Variants in WIPI1 observed in about 807,000 individuals in gnomAD.
WIPI1 encodes the protein WD repeat domain phosphoinositide-interacting protein 1.
In WIPI1, 45 loss-of-function variants were observed where a neutral mutation model predicts 55.3. The ratio of observed to expected loss-of-function variants is 0.81; its 90% CI spans 0.64 to 1.04. WIPI1 has a LOEUF of 1.04. WIPI1 is among the 50% of genes least tolerant of loss of function. The probability of loss-of-function intolerance (pLI) is 0.00; values close to 1 mark genes in which losing one functional copy is unlikely to be tolerated. For synonymous variants in WIPI1, 195 were observed against 217.6 expected (o/e 0.90, Z 0.92); for missense variants, 445 against 559.0 (o/e 0.80, Z 2.06).
chr17:68,444,642 G>C (rs1182643976), intron 3 of WIPI1, 53 bp from the exon 4 acceptor site: 1 of 1,455,164 alleles, frequency 6.9e-7, no homozygotes, highest in Admixed American at 2.0e-5. Flanking sequence ...CAAAGACCCT[G>C]ACCAAATCCA....
At chr17:68,428,550 A>G (rs530164609) in intron 10 of WIPI1, 29 of 281,264 alleles carry the variant, frequency 1.0e-4, no homozygotes, top group Non-Finnish European at 1.4e-4. Flanking sequence ...ATATTTTTGA[A>G]CACCCACTGT....
At chr17:68,442,617 C>T (rs558666419) in intron 4 of WIPI1, among the ~76,000 whole-genome samples, 65 of 152,284 alleles carry the variant, frequency 4.3e-4, no homozygotes, top group African/African-American at 1.4e-3. Context: ...AAACTGAGAG[C>T]CACAGGCAGC....
At position 68,434,613 on chromosome 17, in the gene WIPI1, C is replaced by T. The variant is rs1170151654; in HGVS notation, c.635G>A (p.Arg212Gln). ...ASASEKGTVI[R>Q]VFSVPDGQKL... ...TTGCCCATCAGGGACAGAGAACACC[C>T]GGATGACTGTGCCCTGGAAAAGAAA... The change falls in exon 7 of 13, where the codon CGG becomes CAG. Residue 212 changes from arginine (R) to glutamine (Q), a missense_variant. Coordinates refer to ENST00000262139, the MANE Select transcript of WIPI1 (RefSeq NM_017983.7). 3.7e-6 allele frequency: 6 copies of T among 1,613,956 alleles called. No homozygotes were observed. Among genetic ancestry groups the T allele is most frequent in the Non-Finnish European group, 5.1e-6 (6 of 1,179,882 alleles).
At position 68,430,180 on chromosome 17, in the gene WIPI1, C is replaced by T. The variant is rs200494731; in HGVS notation, c.801-20G>A. 299 of 1,602,758 alleles carry T rather than the reference C, an allele frequency of 1.9e-4. 1 individual carries two copies. The South Asian group carries it at 3.1e-3, about 17-fold the overall frequency. On this transcript the variant is annotated intron_variant, in intron 8 of 12. Coordinates refer to ENST00000262139, the MANE Select transcript of WIPI1 (RefSeq NM_017983.7). ...GGTCGACTAGGGAGTAATGCACAGG[C>T]AACGATGGGACTGGGCTGCAGGCCC...
In WIPI1 at chr17:68,426,251, G is replaced by GGGGGGGGGT; in HGVS notation, c.1193-77_1193-76insACCCCCCCC. ...GCCATGACCTGGCGGGTGGGGAGCGGGGGCTCAAATAAAGGGCAAAGGAAG... is the reference window on the plus strand; with the variant it reads ...GCCATGACCTGGCGGGTGGGGAGCGGGGGGGGGGTGGGCTCAAATAAAGGGCAAAGGAAG... On this transcript the variant is annotated intron_variant, in intron 11 of 12. Coordinates refer to ENST00000262139, the MANE Select transcript of WIPI1 (RefSeq NM_017983.7). The GGGGGGGGGT allele has an allele frequency of 1.7e-5, 14 of 825,460 alleles. 2 individuals carry two copies. Among genetic ancestry groups the GGGGGGGGGT allele is most frequent in the East Asian group, 3.4e-5 (1 of 29,032 alleles). 51.1% of individuals were successfully genotyped at this position (825,460 alleles called of 1,614,324 possible). A position where few individuals can be genotyped will look rare whatever the true frequency, so the allele number is the denominator to read the frequency against.
intron 4 of WIPI1, among the ~76,000 whole-genome samples, chr17:68,442,855 C>T (rs774884959): frequency 6.6e-6 from 1 of 152,198 alleles, no homozygotes; most frequent in African/African-American, 2.4e-5. Flanking sequence ...TTGAAGGGAA[C>T]TCGTGACAAC....
chr17:68,442,446 CAGAGTG>C (rs1326045217), intron 4 of WIPI1, among the ~76,000 whole-genome samples: 1 of 135,728 alleles, frequency 7.4e-6, no homozygotes, highest in Non-Finnish European at 1.5e-5. Context: ...GCCTGGGCAA[CAGAGTG>C]AGACTGTGTC....
At position 68,426,072 on chromosome 17, in the gene WIPI1, C is replaced by T. The variant is rs769826465; in HGVS notation, c.1293+3G>A. 2.5e-6 allele frequency: 4 copies of T among 1,612,686 alleles called. No individual in the cohort carries two copies. The highest frequency in any genetic ancestry group is 2.2e-5 in the South Asian group (2 of 91,024). On this transcript the variant is annotated splice_donor_region_variant and intron_variant, in intron 12 of 12. Coordinates refer to ENST00000262139, the MANE Select transcript of WIPI1 (RefSeq NM_017983.7). ...CGCCCAGTTACGGGTTCCTAATGCTCACAGGAGGAAACTCATTCTCATCAT... is the reference window on the plus strand; with the variant it reads ...CGCCCAGTTACGGGTTCCTAATGCTTACAGGAGGAAACTCATTCTCATCAT...
At chr17:68,427,313 C>T (rs568307307) in intron 10 of WIPI1, 60 bp from the exon 11 acceptor site, 8 of 1,286,896 alleles carry the variant, frequency 6.2e-6, no homozygotes, top group Non-Finnish European at 7.8e-6. Flanking sequence ...ATCTAGGACA[C>T]CTTCCAAAGG....
chr17:68,431,380 G>A (rs1354552919), intron 8 of WIPI1, among the ~76,000 whole-genome samples: 2 of 152,058 alleles, frequency 1.3e-5, no homozygotes, highest in African/African-American at 4.8e-5. Flanking sequence ...ATGGAGCCCG[G>A]CACGTGGCGC....
chr17:68,445,147 C>T (rs574055292), intron 3 of WIPI1, among the ~76,000 whole-genome samples: 55 of 152,120 alleles, frequency 3.6e-4, no homozygotes, highest in African/African-American at 1.1e-3. Context: ...CTCGAACTCC[C>T]GACCTCAGGT....
chr17:68,424,391 C>T, intron 12 of WIPI1: 1 of 529,450 alleles, frequency 1.9e-6, no homozygotes. Context: ...AATGTGCTCA[C>T]TAGAGGGTTC....
chr17:68,432,807 C>T (rs1211241278), intron 8 of WIPI1, among the ~76,000 whole-genome samples: 1 of 152,166 alleles, frequency 6.6e-6, no homozygotes, highest in African/African-American at 2.4e-5. Context: ...AATCCTTGCC[C>T]CCCACCGTGG....
At chr17:68,431,600 G>A (rs979798519) in intron 8 of WIPI1, among the ~76,000 whole-genome samples, 1 of 148,970 alleles carries the variant, frequency 6.7e-6, no homozygotes, top group African/African-American at 2.5e-5. Flanking sequence ...AGATGATATA[G>A]GATGGACTGG....
intron 7 of WIPI1, among the ~76,000 whole-genome samples, chr17:68,433,840 T>C (rs1842315807): frequency 7.8e-6 from 1 of 128,680 alleles, no homozygotes; most frequent in Non-Finnish European, 1.6e-5. Flanking sequence ...TGGAGTACGG[T>C]GGCTTGATCT....
intron 9 of WIPI1, among the ~76,000 whole-genome samples, chr17:68,429,736 G>A (rs3785609): frequency 0.6 from 91,286 of 151,806 alleles, 28,844 homozygotes; most frequent in Non-Finnish European, 0.69. Flanking sequence ...CTACAGGCAC[G>A]CACCACCATA....
chr17:68,424,923 A>G (rs1194249105), intron 12 of WIPI1, among the ~76,000 whole-genome samples: 1 of 152,232 alleles, frequency 6.6e-6, no homozygotes, highest in Non-Finnish European at 1.5e-5. Context: ...AAATGATTTC[A>G]GGTTGACTAT....
chr17:68,442,531 CT>C (rs2084125034), intron 4 of WIPI1, among the ~76,000 whole-genome samples: 1 of 151,960 alleles, frequency 6.6e-6, no homozygotes, highest in Non-Finnish European at 1.5e-5. Context: ...TGAAGCAACC[CT>C]GTCCTCTGGG....
In WIPI1 at chr17:68,451,471, G is replaced by A. The variant is rs866745739; in HGVS notation, c.164-574C>T. Among the ~76,000 whole-genome samples, 6 of 152,232 alleles carry A rather than the reference G, an allele frequency of 3.9e-5. No homozygotes were observed. In the South Asian group the frequency reaches 1.2e-3, roughly 32 times the overall value. ...GAAAACACTAGTGACTAGACTGCAA[G>A]TCAGAGCAAAGGCAGACAGCTGCCT... On this transcript the variant is annotated intron_variant, in intron 2 of 12. Transcript: ENST00000262139.
Sources: gnomAD v4.1 joint callset for allele counts (sites outside exome capture counted in the v4.1 genomes callset) on GRCh38, gnomAD v4.1.1 for gene constraint, MANE v1.5 for transcripts, NCBI Gene and HGNC (gene_info 2026-07-23, HGNC 2026-07-21) for gene names.